FANCA: variants seen among roughly 807,000 people sequenced by gnomAD.
The protein encoded by FANCA is FA complementation group A, also known as Fanconi anemia group A protein.
FANCA carries 236 observed loss-of-function variants against 194.3 expected under a neutral mutation model. The observed-to-expected ratio is 1.21, with a 90% confidence interval of 1.09 to 1.35. The LOEUF is 1.35. FANCA is among the 40% of genes most tolerant of loss of function. The pLI is 0.00. For synonymous variants in FANCA, 1,014 were observed against 715.8 expected (o/e 1.42, Z -6.65); for missense variants, 2,628 against 1,813.9 (o/e 1.45, Z -8.15).
chr16:89,800,960 T>C (rs12599799), intron 8 of FANCA, among the ~76,000 whole-genome samples: 1 of 149,148 alleles, frequency 6.7e-6, no homozygotes, highest in African/African-American at 2.5e-5. Context: ...TTGAACCCGG[T>C]AGGCGGAGCT....
intron 33 of FANCA, 114 bp downstream of exon 33, chr16:89,748,545 G>C: frequency 1.1e-6 from 1 of 869,876 alleles, no homozygotes; most frequent in Non-Finnish European, 1.9e-6. Context: ...ATTTGACTTT[G>C]AACCCTTTCC....
intron 26 of FANCA, among the ~76,000 whole-genome samples, chr16:89,769,049 C>A (rs915618250): frequency 1.8e-4 from 28 of 152,346 alleles, no homozygotes; most frequent in African/African-American, 6.5e-4. Flanking sequence ...ATCCGCACAG[C>A]TGCCATCTGA....
Position 89,814,541 on chromosome 16 carries a change from T to G in FANCA, c.262A>C (p.Asn88His), listed in dbSNP as rs913466405. 6.2e-7 allele frequency: 1 copy of G among 1,612,978 alleles called. No homozygotes were observed. Among genetic ancestry groups the G allele is most frequent in the African/African-American group, 1.3e-5 (1 of 74,910 alleles). ...IDCDSSEAYA[N>H]HSSSFIGSAL... ...TTACCTATAAATGAACTAGAATGAT[T>G]AGCATAGGCCTCAGAACTGTCACAG... Residue 88 changes from asparagine (N) to histidine (H), a missense_variant, in exon 3 of 43, where the codon AAT (asparagine) becomes CAT (histidine). Coordinates refer to ENST00000389301, the MANE Select transcript of FANCA (RefSeq NM_000135.4).
intron 3 of FANCA, among the ~76,000 whole-genome samples, chr16:89,812,664 A>AAAAAAAC (rs2040939812): frequency 6.7e-6 from 1 of 148,196 alleles, no homozygotes; most frequent in Non-Finnish European, 1.5e-5. Flanking sequence ...AAAAAAAAAA[A>AAAAAAAC]AAAAAACTGT....
intron 10 of FANCA, among the ~76,000 whole-genome samples, chr16:89,797,872 G>A (rs1374013225): frequency 6.6e-6 from 1 of 151,956 alleles, no homozygotes; most frequent in Non-Finnish European, 1.5e-5. Context: ...TCCAGCCTGG[G>A]CAACAAGAAT....
chr16:89,783,762 C>T (rs17226274), intron 15 of FANCA, among the ~76,000 whole-genome samples: 11,215 of 152,054 alleles, frequency 0.074, 567 homozygotes, highest in East Asian at 0.22. Context: ...AGAGGGGACA[C>T]AGCGTGTTTT....
intron 27 of FANCA, among the ~76,000 whole-genome samples, chr16:89,766,507 C>T (rs796863404): frequency 8.6e-5 from 13 of 151,690 alleles, no homozygotes; most frequent in African/African-American, 3.1e-4. Context: ...GTCAGGAGTT[C>T]GAAAACAGCC....
At chr16:89,750,224 G>A (rs1201290772) in intron 31 of FANCA, among the ~76,000 whole-genome samples, 1 of 152,232 alleles carries the variant, frequency 6.6e-6, no homozygotes, top group East Asian at 1.9e-4. Flanking sequence ...GCTCATGCCT[G>A]TAATCCCAGC....
At chr16:89,765,281 G>A (rs138583309) in intron 27 of FANCA, among the ~76,000 whole-genome samples, 12 of 148,714 alleles carry the variant, frequency 8.1e-5, no homozygotes, top group African/African-American at 3.0e-4. Flanking sequence ...ACAACCCCAC[G>A]TTTAGGGGAC....
chr16:89,749,920 G>C lies in FANCA; in HGVS notation c.3067-18C>G, dbSNP rs1336583586. On this transcript the variant is annotated intron_variant, in intron 31 of 42. Transcript: ENST00000389301. ...ACCATCTCCTGAAAAAGAGCAGTAT[G>C]CTGGCACAGGAAGGCCTCGGGGCTC... The C allele has an allele frequency of 6.2e-7, 1 of 1,613,676 alleles. No individual in the cohort carries two copies. The highest frequency in any genetic ancestry group is 1.7e-5 in the Admixed American group (1 of 60,024).
In FANCA at chr16:89,798,721, T is replaced by G. The variant is rs1289156017; in HGVS notation, c.893+445A>C. ...AATAGGGCCAAGCTTTGCCTACTGG[T>G]GAATCTGAGCAGGATCTGTGGAGGC... On this transcript the variant is annotated intron_variant, in intron 10 of 42. Transcript: ENST00000389301. 3.0e-6 allele frequency: 4 copies of G among 1,328,016 alleles called. No individual in the cohort carries two copies. In the East Asian group the frequency reaches 9.3e-5, roughly 31 times the overall value. 82.3% of individuals were successfully genotyped at this position (1,328,016 alleles called of 1,614,324 possible).
At chr16:89,771,597 A>G in intron 23 of FANCA, 81 bp downstream of exon 23, 1 of 1,514,336 alleles carries the variant, frequency 6.6e-7, no homozygotes, top group Non-Finnish European at 9.1e-7. Flanking sequence ...AGAAATTGAG[A>G]GAAGGCTCCA....
intron 15 of FANCA, among the ~76,000 whole-genome samples, chr16:89,784,024 G>C (rs2039812044): frequency 6.6e-6 from 1 of 152,028 alleles, no homozygotes; most frequent in Non-Finnish European, 1.5e-5. Context: ...GCCTCCAAAA[G>C]TGCTGGGTTA....
chr16:89,794,834 C>T (rs971792358), intron 11 of FANCA, among the ~76,000 whole-genome samples: 4 of 152,188 alleles, frequency 2.6e-5, no homozygotes, highest in African/African-American at 9.7e-5. Context: ...ACTGGGCAGA[C>T]GATGCCTGGG....
At chr16:89,749,999 A>T in intron 31 of FANCA, 97 bp from the exon 32 acceptor site, 11 of 1,274,232 alleles carry the variant, frequency 8.6e-6, no homozygotes, top group Non-Finnish European at 1.2e-5. Flanking sequence ...AGGTCTCCAC[A>T]GTGGACAGGG....
chr16:89,743,085 G>A, intron 36 of FANCA, 147 bp from the exon 37 acceptor site: 1 of 904,158 alleles, frequency 1.1e-6, no homozygotes, highest in Non-Finnish European at 1.6e-6. Context: ...CAGAAACTAG[G>A]TCTGCATCCC....
At chr16:89,760,315 G>A (rs2238526) in intron 29 of FANCA, among the ~76,000 whole-genome samples, 86,080 of 152,114 alleles carry the variant, frequency 0.57, 24,920 homozygotes, top group South Asian at 0.78. Flanking sequence ...AGGCAGCAGC[G>A]AGTTTTCTTT....
In FANCA at chr16:89,816,621, T is replaced by C. The variant is rs982498711; in HGVS notation, c.-6A>G. ...GGGACCCACGAGTCGGACATGGCCT[T>C]GGCGCCTACAGCCCCGGCGGCGGCT... On this transcript the variant is annotated 5_prime_UTR_variant, in exon 1 of 43. Coordinates refer to ENST00000389301, the MANE Select transcript of FANCA (RefSeq NM_000135.4). 6 of 1,522,310 alleles carry C rather than the reference T, an allele frequency of 3.9e-6. No individual in the cohort carries two copies. The highest frequency in any genetic ancestry group is 3.6e-5 in the South Asian group (3 of 82,654). 94.3% of individuals were successfully genotyped at this position (1,522,310 alleles called of 1,614,324 possible).
chr16:89,803,000 T>TA, intron 8 of FANCA, among the ~76,000 whole-genome samples: 1 of 152,218 alleles, frequency 6.6e-6, no homozygotes, highest in Middle Eastern at 3.4e-3. Flanking sequence ...CGGCTATAGT[T>TA]AACAACAGAT....
Sources: gnomAD v4.1 joint callset for allele counts (sites outside exome capture counted in the v4.1 genomes callset) on GRCh38, gnomAD v4.1.1 for gene constraint, MANE v1.5 for transcripts, NCBI Gene and HGNC (gene_info 2026-07-23, HGNC 2026-07-21) for gene names.